GPR39: variants seen among roughly 807,000 people sequenced by gnomAD.
GPR39 encodes zinc sensing receptor.
In GPR39, 23 loss-of-function variants were observed where a neutral mutation model predicts 18.4. The ratio of observed to expected loss-of-function variants is 1.25; its 90% CI spans 0.90 to 1.77. GPR39 has a LOEUF of 1.77. Ranked by LOEUF, GPR39 falls within the 40% of genes most tolerant of loss-of-function variation. GPR39 has a pLI of 0.00. For synonymous variants in GPR39, 280 were observed against 257.9 expected, an observed-to-expected ratio of 1.09 and a Z score of -0.82; for missense variants, 647 against 602.4, an observed-to-expected ratio of 1.07 and a Z score of -0.78.
At chr2:132,565,303 G>A (rs1205757641) in intron 1 of GPR39, among the ~76,000 whole-genome samples, 2 of 151,798 alleles carry the variant, frequency 1.3e-5, no homozygotes, top group Non-Finnish European at 2.9e-5. Flanking sequence ...CATCGCTCAA[G>A]TTGCAGTCTT....
At chr2:132,483,717 A>T (rs1480419659) in intron 1 of GPR39, among the ~76,000 whole-genome samples, 2 of 152,108 alleles carry the variant, frequency 1.3e-5, no homozygotes, top group East Asian at 3.9e-4. Flanking sequence ...TCCAAAATGC[A>T]TTCACATTCA....
At chr2:132,442,783 G>T (rs1243727795) in intron 1 of GPR39, among the ~76,000 whole-genome samples, 1 of 152,034 alleles carries the variant, frequency 6.6e-6, no homozygotes, top group Non-Finnish European at 1.5e-5. Context: ...CTTACAATTT[G>T]TGGTTTCGGA....
intron 1 of GPR39, among the ~76,000 whole-genome samples, chr2:132,619,261 C>T (rs545462137): frequency 2.0e-5 from 3 of 152,324 alleles, no homozygotes; most frequent in South Asian, 4.1e-4. Context: ...AAGCTATGAT[C>T]ACAGCAATTT....
chr2:132,449,845 C>T lies in GPR39; in HGVS notation c.856+31947C>T, dbSNP rs147998371. On this transcript the variant is annotated intron_variant, in intron 1 of 1. Coordinates refer to ENST00000329321, the MANE Select transcript of GPR39 (RefSeq NM_001508.3). ...TATTTTCTCTCTTCTCTTATAGGCC[C>T]AAAGGGGTCTCACTTCTCTCCCCCT... Among the ~76,000 whole-genome samples the T allele has an allele frequency of 1.1e-4, 16 of 152,148 alleles. No individual in the cohort carries two copies. In the East Asian group the frequency reaches 1.7e-3, roughly 17 times the overall value.
intron 1 of GPR39, among the ~76,000 whole-genome samples, chr2:132,470,045 C>T (rs945542717): frequency 1.4e-4 from 22 of 152,298 alleles, no homozygotes; most frequent in African/African-American, 5.3e-4. Flanking sequence ...GCAGTGATTA[C>T]ATGAGACGGT....
At chr2:132,442,200 T>C (rs1019499062) in intron 1 of GPR39, among the ~76,000 whole-genome samples, 3 of 152,154 alleles carry the variant, frequency 2.0e-5, no homozygotes, top group Admixed American at 1.3e-4. Context: ...GGAGAGGTAG[T>C]TGGGTCCAAG....
rs1051359524 is a variant in GPR39 at position 132,547,522 on chromosome 2, C to T, written c.857-97579C>T. 4.6e-5 allele frequency among the ~76,000 whole-genome samples: 7 copies of T among 152,140 alleles called. No individual in the cohort carries two copies. The East Asian group carries it at 1.3e-3, about 29-fold the overall frequency. ...GATGGTTTTTAATTCTAGAAATTTT[C>T]TTTAATCTTTCGGCTGCTTTGTGTA... On this transcript the variant is annotated intron_variant, in intron 1 of 1. Coordinates refer to ENST00000329321, the MANE Select transcript of GPR39 (RefSeq NM_001508.3).
intron 1 of GPR39, among the ~76,000 whole-genome samples, chr2:132,557,516 C>G (rs1244116948): frequency 6.6e-6 from 1 of 152,056 alleles, no homozygotes; most frequent in Non-Finnish European, 1.5e-5. Context: ...TGGGAATTCT[C>G]TCATGGGATT....
intron 1 of GPR39, among the ~76,000 whole-genome samples, chr2:132,512,215 A>G (rs1679254337): frequency 6.6e-6 from 1 of 152,192 alleles, no homozygotes; most frequent in African/African-American, 2.4e-5. Context: ...CTGAACTGTA[A>G]GTAAACCTAA....
At position 132,563,026 on chromosome 2, in the gene GPR39, G is replaced by T. The variant is rs554618238; in HGVS notation, c.857-82075G>T. On this transcript the variant is annotated intron_variant, in intron 1 of 1. Coordinates refer to ENST00000329321, the MANE Select transcript of GPR39 (RefSeq NM_001508.3). ...GAGCAGTGTTTGCTGCCACAGGGAA[G>T]GTGGTCCTGTCCTCTGCTCCCAGTG... Among the ~76,000 whole-genome samples, 4 of 152,334 alleles carry T rather than the reference G, an allele frequency of 2.6e-5. No homozygotes were observed. The South Asian group carries it at 8.3e-4, about 32-fold the overall frequency.
intron 1 of GPR39, among the ~76,000 whole-genome samples, chr2:132,616,645 T>C (rs1269142622): frequency 1.3e-5 from 2 of 152,180 alleles, no homozygotes; most frequent in Non-Finnish European, 2.9e-5. Context: ...GATCTCCTGT[T>C]GTAGGGTTGC....
intron 1 of GPR39, among the ~76,000 whole-genome samples, chr2:132,442,903 T>G (rs993999574): frequency 6.6e-6 from 1 of 152,236 alleles, no homozygotes; most frequent in African/African-American, 2.4e-5. Flanking sequence ...ATTGATTCTT[T>G]GCATTGGCAA....
chr2:132,442,802 C>T (rs547219298), intron 1 of GPR39, among the ~76,000 whole-genome samples: 24 of 152,276 alleles, frequency 1.6e-4, no homozygotes, highest in Non-Finnish European at 2.9e-4. Flanking sequence ...GAGATATTCA[C>T]AGATTCCCAA....
chr2:132,441,851 C>T (rs559249596), intron 1 of GPR39, among the ~76,000 whole-genome samples: 87 of 152,280 alleles, frequency 5.7e-4, no homozygotes, highest in Admixed American at 1.5e-3. Context: ...TACCTTAATC[C>T]GCTCTTCACG....
chr2:132,578,743 A>C (rs1680572271), intron 1 of GPR39, among the ~76,000 whole-genome samples: 1 of 152,148 alleles, frequency 6.6e-6, no homozygotes, highest in African/African-American at 2.4e-5. Flanking sequence ...TGTAATTTAA[A>C]GTACATCTAT....
chr2:132,524,074 C>G (rs1679468416), intron 1 of GPR39: 1 of 152,654 alleles, frequency 6.6e-6, no homozygotes, highest in African/African-American at 2.4e-5. Context: ...AACCAGCACT[C>G]TTGTTGATTC....
In GPR39 at chr2:132,635,767, G is replaced by A. The variant is rs977244084; in HGVS notation, c.857-9334G>A. 5.3e-5 allele frequency among the ~76,000 whole-genome samples: 8 copies of A among 152,254 alleles called. No individual in the cohort carries two copies. The South Asian group carries it at 1.0e-3, about 20-fold the overall frequency. ...CCAAATCTGACTGTATTTGGGGATC[G>A]GGCTTTTAGGAGCTGTTTAAGTTTA... On this transcript the variant is annotated intron_variant, in intron 1 of 1. Transcript: ENST00000329321.
chr2:132,437,418 A>C (rs557255847), intron 1 of GPR39, among the ~76,000 whole-genome samples: 4 of 152,176 alleles, frequency 2.6e-5, no homozygotes, highest in Non-Finnish European at 5.9e-5. Context: ...GAGAAGAGAC[A>C]TGCAGGGAGT....
At chr2:132,594,134 T>C (rs1456034311) in intron 1 of GPR39, among the ~76,000 whole-genome samples, 2 of 152,156 alleles carry the variant, frequency 1.3e-5, no homozygotes, top group African/African-American at 4.8e-5. Flanking sequence ...TGCCTTGCAC[T>C]ACCTTATCAC....
Sources: gnomAD v4.1 joint callset for allele counts (sites outside exome capture counted in the v4.1 genomes callset) on GRCh38, gnomAD v4.1.1 for gene constraint, MANE v1.5 for transcripts, NCBI Gene and HGNC (gene_info 2026-07-23, HGNC 2026-07-21) for gene names.